The following HPSE2 variants were observed in gnomAD, a reference collection of about 807,000 sequenced individuals.
HPSE2 encodes the protein inactive heparanase-2.
In HPSE2, 38 loss-of-function variants were observed where a neutral mutation model predicts 60.5. That is an observed-to-expected ratio of 0.63 (90% CI 0.48 to 0.82). The LOEUF is 0.82. Among genes scored for constraint, HPSE2 ranks in the 40% least tolerant of loss-of-function variants. The pLI is 0.00. For missense variants in HPSE2, 713 were observed against 740.4 expected (o/e 0.96, Z 0.43); for synonymous variants, 295 against 293.2 (o/e 1.01, Z -0.06).
At chr10:98,508,305 C>A (rs999224567) in intron 9 of HPSE2, among the ~76,000 whole-genome samples, 3 of 152,136 alleles carry the variant, frequency 2.0e-5, no homozygotes, top group Non-Finnish European at 2.9e-5. Flanking sequence ...GAAAGCTAGA[C>A]AAAGTAGTAT....
intron 11 of HPSE2, among the ~76,000 whole-genome samples, chr10:98,477,580 A>G (rs955742802): frequency 2.2e-4 from 34 of 152,226 alleles, no homozygotes; most frequent in Non-Finnish European, 3.4e-4. Context: ...CACATAAGGG[A>G]GAACACTGGG....
chr10:98,711,118 G>C (rs1245400049), intron 5 of HPSE2, among the ~76,000 whole-genome samples: 1 of 152,044 alleles, frequency 6.6e-6, no homozygotes, highest in African/African-American at 2.4e-5. Flanking sequence ...GATCTGGAAG[G>C]CTCTGGCTGG....
intron 3 of HPSE2, among the ~76,000 whole-genome samples, chr10:98,885,761 A>C (rs1953146816): frequency 6.6e-6 from 1 of 152,108 alleles, no homozygotes; most frequent in South Asian, 2.1e-4. Context: ...GTACAGTATA[A>C]ACAGAATGTT....
At chr10:98,521,334 G>GAC (rs1378426038) in intron 9 of HPSE2, among the ~76,000 whole-genome samples, 1 of 152,194 alleles carries the variant, frequency 6.6e-6, no homozygotes, top group African/African-American at 2.4e-5. Context: ...GATATGAACA[G>GAC]ACACTTCTCA....
intron 9 of HPSE2, among the ~76,000 whole-genome samples, chr10:98,499,264 A>G (rs906875654): frequency 1.3e-5 from 2 of 152,214 alleles, no homozygotes; most frequent in Non-Finnish European, 2.9e-5. Flanking sequence ...AACACCAGGT[A>G]ACCTATAAAA....
intron 3 of HPSE2, among the ~76,000 whole-genome samples, chr10:99,034,091 T>C (rs1223501003): frequency 6.6e-6 from 1 of 152,218 alleles, no homozygotes; most frequent in Non-Finnish European, 1.5e-5. Flanking sequence ...TGCAATTCAA[T>C]AGATGCCTGA....
At chr10:98,729,324 G>A (rs932187713) in intron 4 of HPSE2, among the ~76,000 whole-genome samples, 1 of 152,056 alleles carries the variant, frequency 6.6e-6, no homozygotes, top group Non-Finnish European at 1.5e-5. Flanking sequence ...GGTAGACTAT[G>A]TAGGCTGCAG....
Position 98,459,118 on chromosome 10 carries a change from T to G in HPSE2, c.*456A>C, listed in dbSNP as rs146000087. ...CAAGAAAGAGGCAGAGAAGAAGGAG[T>G]TGGGAGAGGATGGGTTTTTGTAGGT... On this transcript the variant is annotated 3_prime_UTR_variant, in exon 12 of 12. Coordinates refer to ENST00000370552, the MANE Select transcript of HPSE2 (RefSeq NM_021828.5). 1.8e-5 allele frequency: 4 copies of G among 223,352 alleles called. No homozygotes were observed. Among genetic ancestry groups the G allele is most frequent in the Non-Finnish European group, 3.6e-5 (4 of 111,574 alleles). The allele number at this position is 223,352 out of a possible 1,614,324, so 13.8% of individuals were successfully genotyped here.
chr10:98,834,037 C>G (rs574900876), intron 3 of HPSE2, among the ~76,000 whole-genome samples: 17 of 152,208 alleles, frequency 1.1e-4, no homozygotes, highest in African/African-American at 4.1e-4. Context: ...TGCATATGCA[C>G]TGTCATTTTA....
In HPSE2 at chr10:99,057,571, T is replaced by C. The variant is rs562363682; in HGVS notation, c.610+86667A>G. On this transcript the variant is annotated intron_variant, in intron 3 of 11. Transcript: ENST00000370552. Reference sequence around the variant, plus strand: ...CTCTGTGGAGATCAAAAAATGCCTATAAGCTTTTCAGACATTGCCACCATA... The same window carrying C: ...CTCTGTGGAGATCAAAAAATGCCTACAAGCTTTTCAGACATTGCCACCATA... 6.2e-4 allele frequency among the ~76,000 whole-genome samples: 94 copies of C among 152,266 alleles called. 1 individual carries two copies. Among genetic ancestry groups the C allele is most frequent in the Non-Finnish European group, 1.2e-3 (82 of 68,014 alleles).
At chr10:98,594,009 T>A (rs1013842638) in intron 9 of HPSE2, among the ~76,000 whole-genome samples, 2 of 152,212 alleles carry the variant, frequency 1.3e-5, no homozygotes, top group Non-Finnish European at 2.9e-5. Context: ...AGTTATTGGC[T>A]CATTTTTAAA....
At chr10:98,880,545 A>G (rs1223958880) in intron 3 of HPSE2, among the ~76,000 whole-genome samples, 1 of 152,058 alleles carries the variant, frequency 6.6e-6, no homozygotes, top group Admixed American at 6.6e-5. Flanking sequence ...CAGGAGCTTC[A>G]TATGTGTAAC....
intron 2 of HPSE2, among the ~76,000 whole-genome samples, chr10:99,220,802 C>T (rs1333804251): frequency 1.4e-5 from 2 of 145,472 alleles, no homozygotes; most frequent in African/African-American, 2.5e-5. Context: ...AGTGAGACTC[C>T]GTCTCAAAAA....
the HPSE2 span, among the ~76,000 whole-genome samples, chr10:99,309,135 T>C: frequency 2.0e-5 from 3 of 152,184 alleles, no homozygotes; most frequent in South Asian, 2.1e-4. Flanking sequence ...AGAAAATCCA[T>C]AGAAACAGAA....
At chr10:98,497,539 T>G (rs538180791) in intron 9 of HPSE2, among the ~76,000 whole-genome samples, 1 of 152,342 alleles carries the variant, frequency 6.6e-6, no homozygotes, top group East Asian at 1.9e-4. Flanking sequence ...ATCTACAGAT[T>G]CAAGTCTATT....
intron 2 of HPSE2, among the ~76,000 whole-genome samples, chr10:99,223,656 T>G (rs1464712027): frequency 6.6e-6 from 1 of 152,214 alleles, no homozygotes; most frequent in African/African-American, 2.4e-5. Flanking sequence ...GTCTGTTCCA[T>G]GCAGTATGAT....
At chr10:99,119,114 A>AGGGAGGGAGGGG (rs1844843286) in intron 3 of HPSE2, among the ~76,000 whole-genome samples, 1 of 90,838 alleles carries the variant, frequency 1.1e-5, no homozygotes, top group Non-Finnish European at 2.3e-5. Flanking sequence ...GGAGGGAGGG[A>AGGGAGGGAGGGG]GGGAGGGAAG....
intron 9 of HPSE2, among the ~76,000 whole-genome samples, chr10:98,542,720 G>A (rs1261534182): frequency 6.6e-6 from 1 of 150,856 alleles, no homozygotes; most frequent in African/African-American, 2.4e-5. Context: ...CTGGAAGAAA[G>A]GGTATCAGCG....
the HPSE2 span, among the ~76,000 whole-genome samples, chr10:99,278,994 T>A: frequency 9.9e-5 from 15 of 152,174 alleles, no homozygotes; most frequent in Non-Finnish European, 1.6e-4. Flanking sequence ...ATTCTACACT[T>A]CAAACTACCA....
Sources: gnomAD v4.1 joint callset for allele counts (sites outside exome capture counted in the v4.1 genomes callset) on GRCh38, gnomAD v4.1.1 for gene constraint, MANE v1.5 for transcripts, NCBI Gene and HGNC (gene_info 2026-07-23, HGNC 2026-07-21) for gene names.